The following COBLL1 variants were observed in gnomAD, a reference collection of about 807,000 sequenced individuals.
COBLL1 encodes the protein cordon-bleu WH2 repeat protein like 1, also known as cordon-bleu protein-like 1.
COBLL1 carries 50 observed loss-of-function variants against 94.8 expected under a neutral mutation model. The observed-to-expected ratio is 0.53, with a 90% confidence interval of 0.42 to 0.67. The LOEUF (loss-of-function observed/expected upper bound fraction) is 0.67, where lower values mean the gene tolerates loss of function less well. Ranked by LOEUF, COBLL1 falls within the 30% of genes least tolerant of loss-of-function variation. The pLI, the probability that COBLL1 is intolerant of heterozygous loss-of-function variation, is 0.00. For missense variants in COBLL1, 1,362 were observed against 1,348.7 expected (o/e 1.01, Z -0.15); for synonymous variants, 448 against 473.8 (o/e 0.95, Z 0.71).
intron 9 of COBLL1, among the ~76,000 whole-genome samples, chr2:164,703,891 A>G (rs939603182): frequency 2.0e-5 from 3 of 152,196 alleles, no homozygotes; most frequent in Admixed American, 6.5e-5. Flanking sequence ...ATTATTAAAA[A>G]CACTGGAAAA....
chr2:164,684,115 G>A lies in COBLL1; in HGVS notation c.*1831C>T, dbSNP rs572011348. 6.6e-6 allele frequency: 1 copy of A among 152,118 alleles called. No individual in the cohort carries two copies. The highest frequency in any genetic ancestry group is 2.4e-5 in the African/African-American group (1 of 41,504). 9.4% of individuals were successfully genotyped at this position (152,118 alleles called of 1,614,324 possible). On this transcript the variant is annotated 3_prime_UTR_variant, in exon 14 of 14. Transcript: ENST00000652658. The stretch of plus-strand genomic sequence containing the variant: ...CTTCCGTTTTTGCTAATTTGATGTG[G>A]TACCTTTCCATGTTTTTAACTTGTA...
chr2:164,664,501 A>G (rs887023784), intron 2 of COBLL1, among the ~76,000 whole-genome samples: 1 of 152,216 alleles, frequency 6.6e-6, no homozygotes. Context: ...CCATATGAAT[A>G]ACTCAAAAAA....
chr2:164,777,331 T>TACACACACACAC (rs72061846), intron 2 of COBLL1, among the ~76,000 whole-genome samples: 66 of 149,174 alleles, frequency 4.4e-4, no homozygotes, highest in South Asian at 6.4e-4. Context: ...AATCATGAGT[T>TACACACACACAC]ACACACACAC....
At chr2:164,798,987 C>A (rs1330140558) in intron 2 of COBLL1, among the ~76,000 whole-genome samples, 3 of 121,930 alleles carry the variant, frequency 2.5e-5, no homozygotes, top group African/African-American at 6.7e-5. Context: ...GCCACTGCAT[C>A]CCAGCCTGGG....
At chr2:164,807,511 G>A (rs1297229487) in intron 2 of COBLL1, among the ~76,000 whole-genome samples, 5 of 149,504 alleles carry the variant, frequency 3.3e-5, no homozygotes, top group Non-Finnish European at 7.4e-5. Context: ...ACTTATATGT[G>A]TATTATTTAC....
At chr2:164,736,128 A>G (rs11887512) in intron 3 of COBLL1, among the ~76,000 whole-genome samples, 16,785 of 152,182 alleles carry the variant, frequency 0.11, 1,202 homozygotes, top group African/African-American at 0.21. Flanking sequence ...TCTTTCAGAA[A>G]TAAATAACAA....
chr2:164,790,207 C>T (rs1683115984), intron 2 of COBLL1, among the ~76,000 whole-genome samples: 2 of 152,214 alleles, frequency 1.3e-5, no homozygotes, highest in African/African-American at 2.4e-5. Flanking sequence ...CAAAGATGTG[C>T]ATGTCAGGTT....
chr2:164,675,607 C>T (rs977779080), downstream of COBLL1, among the ~76,000 whole-genome samples: 31 of 152,104 alleles, frequency 2.0e-4, no homozygotes, highest in East Asian at 5.8e-4. Context: ...CAAATGAGGA[C>T]GGGACAAAAA....
chr2:164,818,210 GTATA>G (rs781208484), intron 2 of COBLL1, among the ~76,000 whole-genome samples: 2 of 139,576 alleles, frequency 1.4e-5, no homozygotes, highest in South Asian at 2.3e-4. Flanking sequence ...ACATATGTGT[GTATA>G]TATACATATA....
Position 164,709,960 on chromosome 2 carries a change from T to C in COBLL1, c.997-4855A>G, listed in dbSNP as rs186718515. 2.8e-3 allele frequency among the ~76,000 whole-genome samples: 427 copies of C among 152,174 alleles called. 3 individuals are homozygous for C. The highest frequency in any genetic ancestry group is 4.6e-3 in the Non-Finnish European group (316 of 68,006). ...GTTTAGATAATAACCAACAGATTAA[T>C]GAAGGACAGAAATGTAAATTTTCTT... On this transcript the variant is annotated intron_variant, in intron 7 of 13. Coordinates refer to ENST00000652658, the MANE Select transcript of COBLL1 (RefSeq NM_001365672.2).
chr2:164,751,138 G>T lies in COBLL1; in HGVS notation c.42-7263C>A, dbSNP rs533357238. Among the ~76,000 whole-genome samples, 3 of 152,134 alleles carry T rather than the reference G, an allele frequency of 2.0e-5. No homozygotes were observed. In the East Asian group the frequency reaches 5.8e-4, roughly 29 times the overall value. On this transcript the variant is annotated intron_variant, in intron 2 of 13. Transcript: ENST00000652658. Reference sequence around the variant, plus strand: ...GATAAAATATTTCCTCCTCTTAGAGGTATTCTCTAACCACTCAAAAAAGGT... The same window carrying T: ...GATAAAATATTTCCTCCTCTTAGAGTTATTCTCTAACCACTCAAAAAAGGT...
intron 3 of COBLL1, among the ~76,000 whole-genome samples, chr2:164,734,797 A>G (rs1686213407): frequency 6.6e-6 from 1 of 152,166 alleles, no homozygotes; most frequent in East Asian, 1.9e-4. Flanking sequence ...GCAAATTTCA[A>G]TGGTTTGCTA....
At chr2:164,780,918 A>G (rs2105274672) in intron 2 of COBLL1, among the ~76,000 whole-genome samples, 1 of 152,298 alleles carries the variant, frequency 6.6e-6, no homozygotes, top group South Asian at 2.1e-4. Flanking sequence ...CACTAAGTCA[A>G]CTTTAGAACA....
At chr2:164,734,504 G>A (rs2105532969) in intron 3 of COBLL1, among the ~76,000 whole-genome samples, 1 of 152,288 alleles carries the variant, frequency 6.6e-6, no homozygotes, top group African/African-American at 2.4e-5. Context: ...GAGTTCTGAG[G>A]AGTGATGTGA....
At chr2:164,725,118 ATATATATATATATATAAAAT>A (rs1685654791) in intron 5 of COBLL1, 2 of 97,504 alleles carry the variant, frequency 2.1e-5, no homozygotes, top group Admixed American at 1.9e-4. Flanking sequence ...ATATATATAT[ATATATATATATATATAAAAT>A]GAAAGCAGTG....
intron 2 of COBLL1, among the ~76,000 whole-genome samples, chr2:164,767,018 A>C (rs1172580804): frequency 2.0e-5 from 3 of 152,196 alleles, no homozygotes; most frequent in African/African-American, 7.2e-5. Flanking sequence ...TCAGTATATC[A>C]TAAGGATAAT....
chr2:164,739,686 A>C (rs936836552), intron 3 of COBLL1, among the ~76,000 whole-genome samples: 3 of 152,212 alleles, frequency 2.0e-5, no homozygotes, highest in Non-Finnish European at 4.4e-5. Flanking sequence ...TCACACACTT[A>C]AAATTACCTC....
intron 2 of COBLL1, chr2:164,772,177 T>C (rs1688238900): frequency 6.6e-6 from 1 of 152,066 alleles, no homozygotes; most frequent in East Asian, 1.9e-4. Context: ...CAGTGACAGA[T>C]AGTAATTTGA....
At chr2:164,757,456 TC>T (rs1366041894) in intron 2 of COBLL1, among the ~76,000 whole-genome samples, 1 of 152,152 alleles carries the variant, frequency 6.6e-6, no homozygotes, top group Non-Finnish European at 1.5e-5. Context: ...AGAGGAAAAT[TC>T]CTCATGAAAG....
Sources: allele counts gnomAD v4.1 joint callset (sites outside exome capture counted in the v4.1 genomes callset), GRCh38; gene constraint gnomAD v4.1.1; transcripts MANE v1.5; gene names NCBI Gene and HGNC (gene_info 2026-07-23, HGNC 2026-07-21).